HLCS: variants seen among roughly 807,000 people sequenced by gnomAD.
The protein encoded by HLCS is biotin--protein ligase.
A neutral mutation model predicts 75.0 loss-of-function variants in HLCS; 53 were observed. The ratio of observed to expected loss-of-function variants is 0.71; its 90% CI spans 0.57 to 0.89. The LOEUF is 0.89. Among genes scored for constraint, HLCS ranks in the 40% least tolerant of loss-of-function variants. The pLI, the probability that HLCS is intolerant of heterozygous loss-of-function variation, is 0.00. For missense variants in HLCS, 966 were observed against 1,074.0 expected (o/e 0.90, Z 1.41); for synonymous variants, 431 against 428.6 (o/e 1.01, Z -0.07).
chr21:36,853,241 G>A (rs1018917829), intron 6 of HLCS, among the ~76,000 whole-genome samples: 20 of 152,072 alleles, frequency 1.3e-4, no homozygotes, highest in Non-Finnish European at 2.2e-4. Context: ...ACGTTATTTC[G>A]GAGCGAGCTT....
At chr21:36,949,084 C>G (rs1255951328) in intron 2 of HLCS, among the ~76,000 whole-genome samples, 1 of 152,152 alleles carries the variant, frequency 6.6e-6, no homozygotes, top group Non-Finnish European at 1.5e-5. Flanking sequence ...CCACCTCATC[C>G]CCCCATTCCA....
intron 6 of HLCS, among the ~76,000 whole-genome samples, chr21:36,817,239 C>T (rs980425041): frequency 9.9e-5 from 15 of 152,154 alleles, no homozygotes; most frequent in African/African-American, 2.9e-4. Context: ...TCTTTTTACT[C>T]GCACTTGGAA....
intron 5 of HLCS, among the ~76,000 whole-genome samples, chr21:36,918,708 G>T (rs1253470705): frequency 1.3e-5 from 2 of 152,216 alleles, no homozygotes; most frequent in Non-Finnish European, 2.9e-5. Flanking sequence ...AACATTCAGG[G>T]TTCTTCTGCA....
chr21:36,768,481 G>A (rs1368985776), intron 6 of HLCS, among the ~76,000 whole-genome samples: 1 of 152,232 alleles, frequency 6.6e-6, no homozygotes, highest in Admixed American at 6.5e-5. Context: ...AAACAACACT[G>A]TGTCCACTGT....
intron 6 of HLCS, among the ~76,000 whole-genome samples, chr21:36,822,651 A>AT (rs1258852362): frequency 6.6e-6 from 1 of 152,234 alleles, no homozygotes; most frequent in African/African-American, 2.4e-5. Context: ...AAATCAATCA[A>AT]CAGCTTGTTC....
intron 6 of HLCS, among the ~76,000 whole-genome samples, chr21:36,812,445 T>C (rs1181946054): frequency 1.3e-5 from 2 of 152,246 alleles, no homozygotes; most frequent in Non-Finnish European, 2.9e-5. Flanking sequence ...GCAGAATGAA[T>C]ATGCCTAAAT....
chr21:36,967,190 C>T (rs1309286072), upstream of HLCS, among the ~76,000 whole-genome samples: 1 of 152,110 alleles, frequency 6.6e-6, no homozygotes, highest in Non-Finnish European at 1.5e-5. Flanking sequence ...CCGGGAGTCC[C>T]AGAGCGCTCC....
At chr21:36,908,267 A>G (rs997395007) in intron 5 of HLCS, among the ~76,000 whole-genome samples, 2 of 151,748 alleles carry the variant, frequency 1.3e-5, no homozygotes, top group African/African-American at 4.8e-5. Flanking sequence ...GTACACACCT[A>G]TATCCCAGCT....
intron 6 of HLCS, among the ~76,000 whole-genome samples, chr21:36,892,161 A>G (rs1050610515): frequency 6.6e-6 from 1 of 152,228 alleles, no homozygotes; most frequent in Non-Finnish European, 1.5e-5. Flanking sequence ...GCCTATAAAA[A>G]GCTGTGACTA....
At chr21:36,792,289 T>C (rs1333004083) in intron 6 of HLCS, among the ~76,000 whole-genome samples, 3 of 152,134 alleles carry the variant, frequency 2.0e-5, no homozygotes, top group Admixed American at 2.0e-4. Flanking sequence ...GAGCTCACTT[T>C]GGCATCTGTG....
chr21:36,861,495 T>TA (rs1346618575), intron 6 of HLCS, among the ~76,000 whole-genome samples: 1 of 152,184 alleles, frequency 6.6e-6, no homozygotes, highest in Non-Finnish European at 1.5e-5. Context: ...GTCACCCAGG[T>TA]ACTAAGCCTA....
At chr21:36,888,440 AAAAAAATATATATATATATATATATATAT>A (rs1198313172) in intron 6 of HLCS, among the ~76,000 whole-genome samples, 1 of 30,530 alleles carries the variant, frequency 3.3e-5, no homozygotes, top group Non-Finnish European at 6.4e-5. Flanking sequence ...TTTAAAAAAA[AAAAAAATATATATATATATATATATATAT>A]ATATATATAT....
chr21:36,782,131 ACT>A (rs1365393130), intron 6 of HLCS, among the ~76,000 whole-genome samples: 18 of 152,090 alleles, frequency 1.2e-4, no homozygotes, highest in Non-Finnish European at 1.8e-4. Flanking sequence ...TAATTTTTAT[ACT>A]GTCTTTAACA....
rs1374539706 is a variant in HLCS, at chr21:36,888,441, AAAAAATAT to A, written c.1892+8411_1892+8418del. Among the ~76,000 whole-genome samples the A allele has an allele frequency of 7.9e-4, 25 of 31,522 alleles. 1 individual carries two copies. The highest frequency in any genetic ancestry group is 1.8e-3 in the African/African-American group (17 of 9,658). 20.7% of individuals were successfully genotyped at this position (31,522 alleles called of 152,430 possible). On this transcript the variant is annotated intron_variant, in intron 6 of 10. Transcript: ENST00000674895. ...CTGCCCCCTTCCCATTTAAAAAAAA[AAAAAATAT>A]ATATATATATATATATATATATATA...
chr21:36,764,169 C>T (rs902389971), intron 8 of HLCS, among the ~76,000 whole-genome samples: 12 of 152,118 alleles, frequency 7.9e-5, no homozygotes, highest in South Asian at 6.2e-4. Context: ...GAGGCTGAGG[C>T]GGGCGGATCA....
intron 6 of HLCS, among the ~76,000 whole-genome samples, chr21:36,780,967 G>A (rs2060512201): frequency 7.4e-6 from 1 of 135,116 alleles, no homozygotes; most frequent in Non-Finnish European, 1.6e-5. Context: ...AGCAGGAGGT[G>A]AGAAGCAGGC....
intron 5 of HLCS, among the ~76,000 whole-genome samples, chr21:36,914,508 C>G (rs112668822): frequency 6.6e-6 from 1 of 152,188 alleles, no homozygotes; most frequent in Non-Finnish European, 1.5e-5. Flanking sequence ...CAGGCTCAGA[C>G]GCTGAAAGGC....
intron 4 of HLCS, 127 bp downstream of exon 4, chr21:36,936,322 T>C (rs2066874919): frequency 2.3e-6 from 2 of 858,516 alleles, no homozygotes; most frequent in East Asian, 2.4e-5. Flanking sequence ...TCCCAGCCAA[T>C]AGTCAAAAAC....
At chr21:36,762,750 C>G (rs190855520) in intron 8 of HLCS, among the ~76,000 whole-genome samples, 1 of 152,184 alleles carries the variant, frequency 6.6e-6, no homozygotes, top group Non-Finnish European at 1.5e-5. Context: ...TTAAGGAGAA[C>G]GGGAACACAA....
Sources: gnomAD v4.1 joint callset for allele counts (sites outside exome capture counted in the v4.1 genomes callset) on GRCh38, gnomAD v4.1.1 for gene constraint, MANE v1.5 for transcripts, NCBI Gene and HGNC (gene_info 2026-07-23, HGNC 2026-07-21) for gene names.